The following ZBTB16 variants were observed in gnomAD, a reference collection of about 807,000 sequenced individuals.
ZBTB16 encodes the protein zinc finger and BTB domain-containing protein 16.
Under a neutral mutation model 56.8 loss-of-function variants are expected in ZBTB16, and 8 were observed. The observed-to-expected ratio is 0.14, with a 90% CI of 0.08 to 0.25. The LOEUF is 0.25. Among genes scored for constraint, ZBTB16 ranks in the 10% least tolerant of loss-of-function variants. The pLI, the probability that ZBTB16 is intolerant of heterozygous loss-of-function variation, is 1.00. For missense variants in ZBTB16, 625 were observed against 903.0 expected, an observed-to-expected ratio of 0.69 and a Z score of 3.95; for synonymous variants, 363 against 368.5, an observed-to-expected ratio of 0.98 and a Z score of 0.17.
intron 4 of ZBTB16, among the ~76,000 whole-genome samples, chr11:114,224,039 G>A (rs1944286701): frequency 6.6e-6 from 1 of 152,152 alleles, no homozygotes; most frequent in African/African-American, 2.4e-5. Flanking sequence ...AGTAGTTTTT[G>A]CCTTTTTCTG....
chr11:114,235,793 T>C (rs1199829942), intron 4 of ZBTB16, among the ~76,000 whole-genome samples: 1 of 142,126 alleles, frequency 7.0e-6, no homozygotes, highest in Non-Finnish European at 1.5e-5. Flanking sequence ...TCCTTCTCCT[T>C]TTTTTTTTTT....
intron 2 of ZBTB16, among the ~76,000 whole-genome samples, chr11:114,105,327 A>T (rs1591670506): frequency 6.7e-6 from 1 of 149,146 alleles, no homozygotes; most frequent in African/African-American, 2.5e-5. Context: ...TGCAACTTCC[A>T]CCTCCTGGGT....
intron 3 of ZBTB16, among the ~76,000 whole-genome samples, chr11:114,179,415 TA>T (rs1473166900): frequency 6.6e-6 from 1 of 152,202 alleles, no homozygotes; most frequent in Non-Finnish European, 1.5e-5. Context: ...GTACTGTAAA[TA>T]AAACTGTACA....
intron 2 of ZBTB16, among the ~76,000 whole-genome samples, chr11:114,137,850 G>A (rs560652798): frequency 6.6e-6 from 1 of 152,328 alleles, no homozygotes; most frequent in South Asian, 2.1e-4. Flanking sequence ...CTAGGGAATA[G>A]GACAGAGGTG....
intron 2 of ZBTB16, among the ~76,000 whole-genome samples, chr11:114,151,048 G>A (rs1473685134): frequency 1.3e-5 from 2 of 152,180 alleles, no homozygotes; most frequent in African/African-American, 4.8e-5. Context: ...TTAGGTCATG[G>A]CTGGGATCTT....
intron 4 of ZBTB16, among the ~76,000 whole-genome samples, chr11:114,236,504 C>T (rs981082591): frequency 4.6e-5 from 7 of 152,182 alleles, no homozygotes; most frequent in African/African-American, 1.7e-4. Context: ...CGAAGGAGTC[C>T]TGTCCAGCCC....
At chr11:114,218,668 AATTGAGAT>A (rs1944162265) in intron 4 of ZBTB16, among the ~76,000 whole-genome samples, 1 of 152,356 alleles carries the variant, frequency 6.6e-6, no homozygotes, top group Non-Finnish European at 1.5e-5. Context: ...AGCACTGTTA[AATTGAGAT>A]ATTAACTTCT....
chr11:114,078,542 A>G (rs1008900494), intron 2 of ZBTB16, among the ~76,000 whole-genome samples: 3 of 152,182 alleles, frequency 2.0e-5, no homozygotes, highest in African/African-American at 7.2e-5. Flanking sequence ...AACCCAGCTG[A>G]TAGCTTTGTT....
intron 2 of ZBTB16, among the ~76,000 whole-genome samples, chr11:114,134,075 G>A (rs913436195): frequency 3.9e-5 from 6 of 152,292 alleles, no homozygotes; most frequent in East Asian, 1.9e-4. Context: ...ACACTGGATC[G>A]TGACAGTTTT....
chr11:114,104,213 C>T (rs750258358), intron 2 of ZBTB16, among the ~76,000 whole-genome samples: 27 of 152,188 alleles, frequency 1.8e-4, no homozygotes, highest in Admixed American at 1.3e-4. Context: ...TAACCATGTT[C>T]TTCTCTTCAG....
intron 4 of ZBTB16, chr11:114,209,612 G>T: frequency 3.0e-6 from 3 of 985,444 alleles, no homozygotes; most frequent in Non-Finnish European, 3.6e-6. Context: ...TCCCTGGGGG[G>T]CTCTCCTCTG....
At chr11:114,102,917 CTCTT>C (rs1178470478) in intron 2 of ZBTB16, among the ~76,000 whole-genome samples, 3 of 152,186 alleles carry the variant, frequency 2.0e-5, no homozygotes, top group African/African-American at 4.8e-5. Flanking sequence ...CCAGCTAAAG[CTCTT>C]TCTTTGTGTG....
intron 2 of ZBTB16, among the ~76,000 whole-genome samples, chr11:114,089,664 G>A (rs1352777890): frequency 6.6e-6 from 1 of 152,222 alleles, no homozygotes; most frequent in Admixed American, 6.5e-5. Flanking sequence ...TGGCAAGGAG[G>A]CAAAGAAGAT....
intron 3 of ZBTB16, among the ~76,000 whole-genome samples, chr11:114,182,391 C>G (rs1355304441): frequency 7.2e-5 from 11 of 152,158 alleles, no homozygotes; most frequent in African/African-American, 2.7e-4. Context: ...CTTATCACCA[C>G]CTGGCCTGTT....
At chr11:114,090,337 T>G (rs2137723464) in intron 2 of ZBTB16, among the ~76,000 whole-genome samples, 1 of 152,298 alleles carries the variant, frequency 6.6e-6, no homozygotes, top group East Asian at 1.9e-4. Flanking sequence ...TTCCCAGGGC[T>G]GTAACGTGGG....
At chr11:114,061,114 T>A (rs1938836785) in intron 1 of ZBTB16, among the ~76,000 whole-genome samples, 1 of 151,486 alleles carries the variant, frequency 6.6e-6, no homozygotes, top group African/African-American at 2.4e-5. Context: ...TTTGCTGAAG[T>A]CGTCTCCAAG....
intron 2 of ZBTB16, among the ~76,000 whole-genome samples, chr11:114,067,835 G>A (rs527502175): frequency 1.3e-5 from 2 of 152,230 alleles, no homozygotes; most frequent in African/African-American, 2.4e-5. Flanking sequence ...ATAATCCTGC[G>A]TGTGCTCAGC....
chr11:114,147,342 G>A (rs1057065935), intron 2 of ZBTB16, among the ~76,000 whole-genome samples: 3 of 152,128 alleles, frequency 2.0e-5, no homozygotes, highest in Admixed American at 6.5e-5. Flanking sequence ...CATTTCCTTC[G>A]CATGTATCCA....
chr11:114,243,361 G>A (rs1297658822), intron 5 of ZBTB16, among the ~76,000 whole-genome samples: 1 of 152,216 alleles, frequency 6.6e-6, no homozygotes, highest in African/African-American at 2.4e-5. Context: ...GATTGAGTAT[G>A]CAGACCAGGT....
Sources: allele counts gnomAD v4.1 joint callset (sites outside exome capture counted in the v4.1 genomes callset), GRCh38; gene constraint gnomAD v4.1.1; transcripts MANE v1.5; gene names NCBI Gene and HGNC (gene_info 2026-07-23, HGNC 2026-07-21).